Variants in CASKIN1 observed in about 807,000 individuals in gnomAD.
The protein encoded by CASKIN1 is CASK interacting protein 1, also known as caskin-1.
In CASKIN1, 42 loss-of-function variants were observed where a neutral mutation model predicts 117.5. That is an observed-to-expected ratio of 0.36 (90% CI 0.28 to 0.46). CASKIN1 has a LOEUF of 0.46. Among genes scored for constraint, CASKIN1 ranks in the 20% least tolerant of loss-of-function variants. The pLI, the probability that CASKIN1 is intolerant of heterozygous loss-of-function variation, is 1.00. For synonymous variants in CASKIN1, 1,148 were observed against 961.7 expected (o/e 1.19, Z -3.59); for missense variants, 2,083 against 2,077.3 (o/e 1.00, Z -0.05).
chr16:2,190,182 A>C lies in CASKIN1; in HGVS notation c.147-12T>G, dbSNP rs2093197254. 1 of 1,612,688 alleles carries C rather than the reference A, an allele frequency of 6.2e-7. No individual in the cohort carries two copies. Among genetic ancestry groups the C allele is most frequent in the Non-Finnish European group, 8.5e-7 (1 of 1,179,778 alleles). On this transcript the variant is annotated splice_polypyrimidine_tract_variant and intron_variant, in intron 2 of 19. Transcript: ENST00000343516. ...GCAGAGCCGAGAAGCTGGCACGTGC[A>C]GAGGACACATAGAGCAGAGGCCCTG...
In CASKIN1 at chr16:2,180,026, G is replaced by A. The variant is rs2093161617; in HGVS notation, c.3342C>T (p.Pro1114=). ...TGGCGCTGGCTTCCACCTTGGCCAA[G>A]GGCGGGCCTTCGACACCCGCCTCGC... ...SKGEAGVEGP[P]LAKVEASATL... Residue 1114 remains proline (P), a synonymous_variant, in exon 18 of 20, where the codon CCC becomes CCT. Transcript: ENST00000343516. The A allele has an allele frequency of 1.9e-6, 3 of 1,591,644 alleles. No individual in the cohort carries two copies. Among genetic ancestry groups the A allele is most frequent in the Non-Finnish European group, 2.6e-6 (3 of 1,168,874 alleles).
chr16:2,182,875 C>T lies in CASKIN1; in HGVS notation c.1629+771G>A, dbSNP rs2093172457. Among the ~76,000 whole-genome samples, 1 of 152,246 alleles carries T rather than the reference C, an allele frequency of 6.6e-6. No individual in the cohort carries two copies. Among genetic ancestry groups the T allele is most frequent in the Admixed American group, 6.5e-5 (1 of 15,286 alleles). The stretch of plus-strand genomic sequence containing the variant: ...GCGCAATCTCGGCTCACTGCAAGCT[C>T]CGCCTCCCGGGTTCATGCCATTCTC... On this transcript the variant is annotated intron_variant, in intron 16 of 19. Coordinates refer to ENST00000343516, the MANE Select transcript of CASKIN1 (RefSeq NM_020764.4). This position sits in a 1 kb window ranked among gnomAD's most constrained non-coding sequence, Gnocchi z 4.1.
Position 2,181,317 on chromosome 16 carries a change from G to A in CASKIN1, c.2051C>T (p.Pro684Leu), listed in dbSNP as rs1034211168. ...TTEKPSSHLP[P>L]TPRATTRQDS... ...CTGCCGCGTGGTGGCCCTCGGGGTG[G>A]GTGGCAGGTGGCTGGAGGGCTTCTC... The change falls in exon 18 of 20, where the codon CCC becomes CTC. Residue 684 changes from proline (P) to leucine (L), a missense_variant. Physicochemically the swap from Pro to Leu is moderately conservative, Grantham distance 98. This residue lies in a region of CASKIN1 where 1,818 missense variants were observed against 1,688.9 expected (regional missense o/e 1.08). Transcript: ENST00000343516. The A allele has an allele frequency of 1.9e-6, 3 of 1,604,846 alleles. No homozygotes were observed. The highest frequency in any genetic ancestry group is 4.5e-5 in the East Asian group (2 of 44,736).
At chr16:2,183,786 C>T in intron 15 of CASKIN1, 39 bp from the exon 16 acceptor site, 1 of 1,611,938 alleles carries the variant, frequency 6.2e-7, no homozygotes, top group Non-Finnish European at 8.5e-7. Flanking sequence ...GGGCTGGGCC[C>T]ATCTGTGGGA....
chr16:2,181,017 C>T lies in CASKIN1; in HGVS notation c.2351G>A (p.Arg784Gln), dbSNP rs75257028. 1.6e-3 allele frequency: 2,324 copies of T among 1,484,788 alleles called. 34 individuals carry two copies. The African/African-American group carries it at 0.03, about 19-fold the overall frequency. 92.0% of individuals were successfully genotyped at this position (1,484,788 alleles called of 1,614,324 possible). ...CCCAAGGGCCTGGGGAGAGCCTGGT[C>T]GGGTTTTGGTGGGCGTCTGGGGGGG... The part of the protein sequence containing the change: ...FTPPQTPTKT[R>Q]PGSPQALGGP... The change falls in exon 18 of 20, where the codon CGA (arginine) becomes CAA (glutamine). Residue 784 changes from arginine to glutamine, a missense_variant. Around this residue, in one of 3 missense-constraint regions of CASKIN1, gnomAD observed 1,818 missense variants for 1,688.9 expected, o/e 1.08. Transcript: ENST00000343516.
Position 2,177,400 on chromosome 16 carries a change from C to A in CASKIN1, c.*1150G>T. On this transcript the variant is annotated 3_prime_UTR_variant, in exon 20 of 20. Transcript: ENST00000343516. ...GCCTCCACCCGCCCCACACCACAAT[C>A]GCTGGTTTTCGGCATTTTTTAAATT... 1 of 233,418 alleles carries A rather than the reference C, an allele frequency of 4.3e-6. No individual in the cohort carries two copies. Among genetic ancestry groups the A allele is most frequent in the Non-Finnish European group, 8.5e-6 (1 of 118,096 alleles). The allele number at this position is 233,418 out of a possible 1,614,324, so 14.5% of individuals were successfully genotyped here. A position where few individuals can be genotyped will look rare whatever the true frequency, so the allele number is the denominator to read the frequency against.
Position 2,182,041 on chromosome 16 carries a change from G to A in CASKIN1, c.1630-112C>T. The A allele has an allele frequency of 1.4e-6, 2 of 1,470,968 alleles. No homozygotes were observed. Among genetic ancestry groups the A allele is most frequent in the Non-Finnish European group, 1.9e-6 (2 of 1,074,576 alleles). 91.1% of individuals were successfully genotyped at this position (1,470,968 alleles called of 1,614,324 possible). On this transcript the variant is annotated intron_variant, in intron 16 of 19. Coordinates refer to ENST00000343516, the MANE Select transcript of CASKIN1 (RefSeq NM_020764.4). This position sits in a 1 kb window ranked among gnomAD's most constrained non-coding sequence, Gnocchi z 4.1. ...GGGCCAGCAGGGCACAGACAGACAG[G>A]AGGACAAACGGATAGGCCGAGGTAT...
At position 2,179,236 on chromosome 16, in the gene CASKIN1, C is replaced by G. The variant is rs2093157470; in HGVS notation, c.3865G>C (p.Gly1289Arg). ...TAPKPVKAVAGLPSGSAGPSP... is the reference protein window; with the variant it reads ...TAPKPVKAVARLPSGSAGPSP... ...GGGCCGGCGCTGCCCGAAGGCAGCC[C>G]CGCGACCGCCTTGACGGGCTTGGGC... The change falls in exon 19 of 20, where the codon GGG (glycine) becomes CGG (arginine). Residue 1289 changes from glycine to arginine, a missense_variant. Physicochemically the swap from Gly to Arg is moderately radical, Grantham distance 125. This residue lies in a region of CASKIN1 where 1,818 missense variants were observed against 1,688.9 expected (regional missense o/e 1.08). Coordinates refer to ENST00000343516, the MANE Select transcript of CASKIN1 (RefSeq NM_020764.4). The surrounding 1 kb of genome is among the most constrained non-coding windows in gnomAD (Gnocchi z 5.8). The G allele has an allele frequency of 8.4e-7, 1 of 1,194,202 alleles. No homozygotes were observed. Among genetic ancestry groups the G allele is most frequent in the South Asian group, 4.2e-5 (1 of 24,064 alleles). The allele number at this position is 1,194,202 out of a possible 1,614,324, so 74.0% of individuals were successfully genotyped here.
intron 1 of CASKIN1, among the ~76,000 whole-genome samples, chr16:2,194,129 G>A (rs1015221819): frequency 6.6e-6 from 1 of 152,224 alleles, no homozygotes; most frequent in Non-Finnish European, 1.5e-5. Flanking sequence ...CAGGCTAGAA[G>A]GGAGCTACTA....
rs1202201539 is a variant in CASKIN1, at chr16:2,187,090, G to A, written c.836-18C>T. The stretch of plus-strand genomic sequence containing the variant: ...TGAGGCCTCTGGGGATACAGGAGGG[G>A]GCCCCCGAAGTCCTGCGGGCTGATC... On this transcript the variant is annotated intron_variant, in intron 8 of 19. Transcript: ENST00000343516. The A allele has an allele frequency of 1.2e-6, 2 of 1,613,172 alleles. No homozygotes were observed. Among genetic ancestry groups the A allele is most frequent in the Non-Finnish European group, 1.7e-6 (2 of 1,179,722 alleles).
chr16:2,179,536 G>T lies in CASKIN1; in HGVS notation c.3775+57C>A. On this transcript the variant is annotated intron_variant, in intron 18 of 19. Transcript: ENST00000343516. This position sits in a 1 kb window ranked among gnomAD's most constrained non-coding sequence, Gnocchi z 5.8. ...GAAAAGGAAAACCCCTCAGACCACC[G>T]AGTAAGGAGGTGGAGCAGGGTCCTG... The T allele has an allele frequency of 7.1e-7, 1 of 1,401,966 alleles. No individual in the cohort carries two copies. Among genetic ancestry groups the T allele is most frequent in the South Asian group, 1.5e-5 (1 of 66,192 alleles). 86.8% of individuals were successfully genotyped at this position (1,401,966 alleles called of 1,614,324 possible).
At chr16:2,193,732 G>A (rs2093207504) in intron 1 of CASKIN1, among the ~76,000 whole-genome samples, 1 of 152,246 alleles carries the variant, frequency 6.6e-6, no homozygotes, top group Admixed American at 6.5e-5. Flanking sequence ...GTGAGGAGGG[G>A]TGCCTTACTA....
intron 14 of CASKIN1, among the ~76,000 whole-genome samples, chr16:2,184,268 G>A (rs1352064702): frequency 6.6e-6 from 1 of 152,050 alleles, no homozygotes; most frequent in Non-Finnish European, 1.5e-5. Context: ...ACGCCATCTT[G>A]GGGATGCAGG....
In CASKIN1 at chr16:2,183,495, C is replaced by A. The variant is rs565584103; in HGVS notation, c.1629+151G>T. The stretch of plus-strand genomic sequence containing the variant: ...CCCCAGTGACAAAACAGGGGCTGAT[C>A]GGGAGGCTCCCTGCTAGCAGGGCAT... On this transcript the variant is annotated intron_variant, in intron 16 of 19. Transcript: ENST00000343516. 77 of 722,370 alleles carry A rather than the reference C, an allele frequency of 1.1e-4. No individual in the cohort carries two copies. The South Asian group carries it at 1.3e-3, about 12-fold the overall frequency. 44.7% of individuals were successfully genotyped at this position (722,370 alleles called of 1,614,324 possible).
At position 2,177,357 on chromosome 16, in the gene CASKIN1, A is replaced by G. The variant is rs1223376705; in HGVS notation, c.*1193T>C. ...GCAGGAAGGGGCCCTGCACGCCGGG[A>G]CGCCACCTCCGCCAGCCGCCTCCAC... On this transcript the variant is annotated 3_prime_UTR_variant, in exon 20 of 20. Transcript: ENST00000343516. 8.6e-6 allele frequency: 2 copies of G among 233,614 alleles called. No homozygotes were observed. Among genetic ancestry groups the G allele is most frequent in the Admixed American group, 5.6e-5 (1 of 17,854 alleles). The allele number at this position is 233,614 out of a possible 1,614,324, so 14.5% of individuals were successfully genotyped here. A position where few individuals can be genotyped will look rare whatever the true frequency, so the allele number is the denominator to read the frequency against.
Position 2,187,446 on chromosome 16 carries a change from G to A in CASKIN1, c.633C>T (p.Ala211=), listed in dbSNP as rs774416919. The A allele has an allele frequency of 1.4e-5, 22 of 1,606,042 alleles. No homozygotes were observed. The South Asian group carries it at 1.4e-4, about 10-fold the overall frequency. ...HIDIIRLLLQ[A]GIDINRQTKS... ...TGGTCTGGCGGTTAATGTCGATGCC[G>A]GCTTGGAGGAGGAGCCTGGCGGGAA... The change falls in exon 7 of 20, where the codon GCC becomes GCT. Residue 211 remains alanine, a synonymous_variant. Coordinates refer to ENST00000343516, the MANE Select transcript of CASKIN1 (RefSeq NM_020764.4).
At chr16:2,184,432 C>A in intron 14 of CASKIN1, among the ~76,000 whole-genome samples, 1 of 152,156 alleles carries the variant, frequency 6.6e-6, no homozygotes, top group Non-Finnish European at 1.5e-5. Flanking sequence ...TGCACTCACA[C>A]ACCATACGCC....
rs2093169450 is a variant in CASKIN1, at chr16:2,181,892, G to C, written c.1667C>G (p.Ala556Gly). Residue 556 changes from alanine to glycine, a missense_variant, in exon 17 of 20, where the codon GCC becomes GGC. Ala to Gly is a moderately conservative substitution (Grantham distance 60). This residue lies in a region of CASKIN1 where 1,818 missense variants were observed against 1,688.9 expected (regional missense o/e 1.08). Coordinates refer to ENST00000343516, the MANE Select transcript of CASKIN1 (RefSeq NM_020764.4). ...GTCCACCAACACCTTGTAGTACTGG[G>C]CCAGGCCGATCATGGACAGCCACAC... Reference protein sequence around the residue: ...LAVWLSMIGLAQYYKVLVDNG... With the variant: ...LAVWLSMIGLGQYYKVLVDNG... 1 of 1,613,760 alleles carries C rather than the reference G, an allele frequency of 6.2e-7. No homozygotes were observed. The highest frequency in any genetic ancestry group is 8.5e-7 in the Non-Finnish European group (1 of 1,179,988).
Position 2,180,807 on chromosome 16 carries a change from G to A in CASKIN1, c.2561C>T (p.Pro854Leu), listed in dbSNP as rs925880767. The change falls in exon 18 of 20, where the codon CCA (proline) becomes CTA (leucine). Residue 854 changes from proline (P) to leucine (L), a missense_variant. By Grantham distance (98) the Pro-to-Leu change is moderately conservative. Transcript: ENST00000343516. ...VGPAAPGPAP[P>L]PVPTAVPTLC... ...TGTGGGCACAGCCGTCGGCACGGGT[G>A]GGGGCGCAGGCCCCGGGGCAGCCGG... 2.1e-6 allele frequency: 3 copies of A among 1,398,146 alleles called. No individual in the cohort carries two copies. Among genetic ancestry groups the A allele is most frequent in the Non-Finnish European group, 2.8e-6 (3 of 1,084,832 alleles). The allele number at this position is 1,398,146 out of a possible 1,614,324, so 86.6% of individuals were successfully genotyped here.
Sources: allele counts gnomAD v4.1 joint callset (sites outside exome capture counted in the v4.1 genomes callset), GRCh38; gene constraint gnomAD v4.1.1; regional missense constraint gnomAD v4.1.1; non-coding constraint Gnocchi (gnomAD v3.1); transcripts MANE v1.5; gene names NCBI Gene and HGNC (gene_info 2026-07-23, HGNC 2026-07-21).